The following RIN2 variants were observed in gnomAD, a reference collection of about 807,000 sequenced individuals.
RIN2 encodes Ras and Rab interactor 2.
RIN2 carries 36 observed loss-of-function variants against 78.0 expected under a neutral mutation model. That is an observed-to-expected ratio of 0.46 (90% CI 0.35 to 0.61). The LOEUF is 0.61. RIN2 is among the 20% of genes least tolerant of loss of function. The pLI is 0.00. For synonymous variants in RIN2, 466 were observed against 466.8 expected, an observed-to-expected ratio of 1.00 and a Z score of 0.02; for missense variants, 1,087 against 1,159.7, an observed-to-expected ratio of 0.94 and a Z score of 0.91.
At chr20:19,954,721 C>CCCCTGTGCCCCTCACCCCTGTGTCCCTG (rs1568656885) in intron 4 of RIN2, among the ~76,000 whole-genome samples, 3 of 151,620 alleles carry the variant, frequency 2.0e-5, no homozygotes, top group African/African-American at 7.3e-5. Flanking sequence ...CTGTGTCCCT[C>CCCCTGTGCCCCTCACCCCTGTGTCCCTG]ACCCCTGTGC....
chr20:19,850,745 A>T (rs1477638934), intron 2 of RIN2, among the ~76,000 whole-genome samples: 1 of 152,122 alleles, frequency 6.6e-6, no homozygotes, highest in Non-Finnish European at 1.5e-5. Context: ...CTGGTGGATC[A>T]TTTGGGGTCA....
intron 4 of RIN2, among the ~76,000 whole-genome samples, chr20:19,945,881 A>G (rs914784411): frequency 4.6e-5 from 7 of 152,224 alleles, no homozygotes; most frequent in Admixed American, 2.6e-4. Flanking sequence ...GCCAAAGGCC[A>G]GGTGGCTCTT....
Position 19,992,292 on chromosome 20 carries a change from T to C in RIN2, c.2193T>C (p.His731=), listed in dbSNP as rs374245909. 8.1e-5 allele frequency: 126 copies of C among 1,562,386 alleles called. No individual in the cohort carries two copies. The African/African-American group carries it at 1.3e-3, about 16-fold the overall frequency. ...MMELLDPSLL[H]GEGGYYLTSA... Reference sequence around the variant, plus strand: ...AGCTCCTAGACCCATCGCTGTTACATGGAGAAGGTAACTGCTTTTGAGAAA... The same window carrying C: ...AGCTCCTAGACCCATCGCTGTTACACGGAGAAGGTAACTGCTTTTGAGAAA... Residue 731 remains histidine (H), a synonymous_variant, in exon 11 of 13, where the codon CAT becomes CAC. Transcript: ENST00000255006.
At chr20:19,875,871 A>AGGCCT (rs2037840457) in intron 2 of RIN2, among the ~76,000 whole-genome samples, 1 of 152,192 alleles carries the variant, frequency 6.6e-6, no homozygotes, top group Non-Finnish European at 1.5e-5. Context: ...GCGCAGTCCA[A>AGGCCT]GGCCTGAGTG....
intron 3 of RIN2, among the ~76,000 whole-genome samples, chr20:19,923,364 C>G (rs962625004): frequency 6.7e-6 from 1 of 150,338 alleles, no homozygotes; most frequent in Non-Finnish European, 1.5e-5. Context: ...TGCAGTGAGC[C>G]GAGATTGTGC....
intron 3 of RIN2, among the ~76,000 whole-genome samples, chr20:19,896,176 A>T (rs1464114308): frequency 6.6e-6 from 1 of 151,806 alleles, no homozygotes; most frequent in Non-Finnish European, 1.5e-5. Context: ...TTCTTTTTTT[A>T]TTTTTTTTAT....
At chr20:19,952,617 G>A (rs1403114113) in intron 4 of RIN2, among the ~76,000 whole-genome samples, 1 of 152,168 alleles carries the variant, frequency 6.6e-6, no homozygotes, top group African/African-American at 2.4e-5. Flanking sequence ...TCAGAACAAA[G>A]GCTTTTCAGC....
intron 2 of RIN2, among the ~76,000 whole-genome samples, chr20:19,814,565 T>G (rs1394497233): frequency 6.6e-6 from 1 of 152,246 alleles, no homozygotes; most frequent in Non-Finnish European, 1.5e-5. Flanking sequence ...ACCTCTCATG[T>G]GATTAAAGTC....
At chr20:19,828,779 C>T (rs1429651108) in intron 2 of RIN2, among the ~76,000 whole-genome samples, 2 of 152,166 alleles carry the variant, frequency 1.3e-5, no homozygotes, top group Non-Finnish European at 2.9e-5. Flanking sequence ...ATCTTGCTGA[C>T]TCCTAGGAAG....
chr20:19,983,655 T>C (rs2042532902), intron 9 of RIN2, among the ~76,000 whole-genome samples: 1 of 152,228 alleles, frequency 6.6e-6, no homozygotes, highest in Non-Finnish European at 1.5e-5. Context: ...TCACATGATC[T>C]AAACTCATGG....
At chr20:19,976,434 C>G (rs1356954824) in intron 9 of RIN2, among the ~76,000 whole-genome samples, 1 of 152,164 alleles carries the variant, frequency 6.6e-6, no homozygotes, top group African/African-American at 2.4e-5. Context: ...CTGAAAAAGA[C>G]AAGTTTGTTT....
intron 4 of RIN2, among the ~76,000 whole-genome samples, chr20:19,937,233 C>T (rs1407842983): frequency 5.9e-5 from 9 of 152,170 alleles, no homozygotes; most frequent in South Asian, 2.1e-4. Context: ...ATAGCTGTGG[C>T]CACAATTCAG....
At chr20:19,882,841 GA>G (rs1323981702) in intron 2 of RIN2, among the ~76,000 whole-genome samples, 1 of 151,760 alleles carries the variant, frequency 6.6e-6, no homozygotes, top group Non-Finnish European at 1.5e-5. Flanking sequence ...GCAACAATTT[GA>G]AAAAAACGCA....
intron 2 of RIN2, among the ~76,000 whole-genome samples, chr20:19,843,569 A>C (rs1229731529): frequency 6.6e-6 from 1 of 152,254 alleles, no homozygotes; most frequent in Non-Finnish European, 1.5e-5. Flanking sequence ...TTAGGTACTT[A>C]ATAGACTATA....
rs373704196 is a variant in RIN2, at chr20:19,787,920, T to C, written c.-162-11702T>C. On this transcript the variant is annotated intron_variant, in intron 1 of 12. Transcript: ENST00000255006. ...GATCTACTCCATCTATCCCAGGTGA[T>C]GGTCTTTTCCAAATAGAGGAAGACT... Among the ~76,000 whole-genome samples, 10 of 152,342 alleles carry C rather than the reference T, an allele frequency of 6.6e-5. 1 individual carries two copies. The highest frequency in any genetic ancestry group is 2.4e-4 in the African/African-American group (10 of 41,580).
At chr20:19,819,077 A>T (rs2035855808) in intron 2 of RIN2, among the ~76,000 whole-genome samples, 1 of 152,234 alleles carries the variant, frequency 6.6e-6, no homozygotes, top group Non-Finnish European at 1.5e-5. Flanking sequence ...ACAGATCTTT[A>T]ATGGTTGATG....
chr20:19,965,447 A>G (rs2041907839), intron 7 of RIN2, among the ~76,000 whole-genome samples: 1 of 152,194 alleles, frequency 6.6e-6, no homozygotes, highest in African/African-American at 2.4e-5. Context: ...GCTTCATGAT[A>G]ATGCCTCTGA....
chr20:19,936,637 G>A (rs1485554414), intron 4 of RIN2, among the ~76,000 whole-genome samples: 4 of 152,170 alleles, frequency 2.6e-5, no homozygotes, highest in Non-Finnish European at 5.9e-5. Flanking sequence ...TGAGAAGGAC[G>A]TTCTGAACAT....
chr20:19,893,495 G>A (rs1489732003), intron 3 of RIN2, among the ~76,000 whole-genome samples: 1 of 152,132 alleles, frequency 6.6e-6, no homozygotes, highest in African/African-American at 2.4e-5. Context: ...AGCCAGAGTT[G>A]CTAACCACTA....
Sources: gnomAD v4.1 joint callset for allele counts (sites outside exome capture counted in the v4.1 genomes callset) on GRCh38, gnomAD v4.1.1 for gene constraint, MANE v1.5 for transcripts, NCBI Gene and HGNC (gene_info 2026-07-23, HGNC 2026-07-21) for gene names.